Variants in SLTM observed in about 807,000 individuals in gnomAD.
SLTM encodes SAFB-like transcription modulator.
SLTM carries 43 observed loss-of-function variants against 134.6 expected under a neutral mutation model. That is an observed-to-expected ratio of 0.32 (90% confidence interval 0.25 to 0.41). The LOEUF is 0.41. SLTM is among the 10% of genes least tolerant of loss of function. The probability of loss-of-function intolerance (pLI) is 1.00; values close to 1 mark genes in which losing one functional copy is unlikely to be tolerated. For synonymous variants in SLTM, 424 were observed against 432.3 expected, an observed-to-expected ratio of 0.98 and a Z score of 0.24; for missense variants, 1,055 against 1,288.8, an observed-to-expected ratio of 0.82 and a Z score of 2.78.
At chr15:58,932,327 T>A (rs1318442141) in intron 2 of SLTM, 29 bp downstream of exon 2, 1 of 1,557,690 alleles carries the variant, frequency 6.4e-7, no homozygotes, top group African/African-American at 1.4e-5. Context: ...CAAAATATAT[T>A]TTAAAACATG....
chr15:58,897,290 A>G, intron 8 of SLTM, 57 bp from the exon 9 acceptor site: 3 of 963,414 alleles, frequency 3.1e-6, no homozygotes, highest in Non-Finnish European at 4.9e-6. Flanking sequence ...TTTATACAAA[A>G]CTATAAGGGC....
chr15:58,885,909 A>T (rs1567102485), intron 19 of SLTM, among the ~76,000 whole-genome samples: 1 of 152,194 alleles, frequency 6.6e-6, no homozygotes, highest in Admixed American at 6.5e-5. Context: ...TTTGGTATAT[A>T]ATTTATGAAA....
chr15:58,915,214 A>G (rs1270558714), intron 3 of SLTM, among the ~76,000 whole-genome samples: 2 of 151,650 alleles, frequency 1.3e-5, no homozygotes, highest in African/African-American at 4.8e-5. Flanking sequence ...AAAAACAAAA[A>G]CAAAAACAAA....
At chr15:58,916,207 G>C (rs1037827871) in intron 3 of SLTM, among the ~76,000 whole-genome samples, 69 of 129,540 alleles carry the variant, frequency 5.3e-4, no homozygotes, top group African/African-American at 1.9e-3. Flanking sequence ...ACGGAGTCTT[G>C]CTGTTACCCA....
intron 5 of SLTM, among the ~76,000 whole-genome samples, chr15:58,903,705 G>T (rs1595881478): frequency 2.1e-5 from 3 of 144,504 alleles, no homozygotes; most frequent in South Asian, 5.1e-4. Flanking sequence ...ATAATAAAAA[G>T]ATTAAAATGG....
At chr15:58,912,848 A>G in intron 4 of SLTM, 1 of 446,658 alleles carries the variant, frequency 2.2e-6, no homozygotes, top group Non-Finnish European at 4.1e-6. Context: ...GGGTAGGTAG[A>G]AGGGAAGTGT....
chr15:58,932,325 A>G (rs2037935707), intron 2 of SLTM, 31 bp downstream of exon 2: 1 of 1,546,036 alleles, frequency 6.5e-7, no homozygotes, highest in Non-Finnish European at 8.9e-7. Context: ...ACCAAAATAT[A>G]TTTTAAAACA....
intron 2 of SLTM, among the ~76,000 whole-genome samples, chr15:58,919,280 G>C (rs573096656): frequency 2.6e-5 from 4 of 152,168 alleles, no homozygotes; most frequent in African/African-American, 9.6e-5. Flanking sequence ...GCTACTTTTT[G>C]GGAGAAAAAT....
In SLTM at chr15:58,920,820, T is replaced by C. The variant is rs567994642; in HGVS notation, c.251-3821A>G. Among the ~76,000 whole-genome samples the C allele has an allele frequency of 2.0e-5, 3 of 151,512 alleles. No homozygotes were observed. The East Asian group carries it at 5.8e-4, about 29-fold the overall frequency. On this transcript the variant is annotated intron_variant, in intron 2 of 20. Transcript: ENST00000380516. ...AAACACAAAAATTAGCCGGGTGTGG[T>C]GATGGGCGCCTGTAATCCCAGCTAC...
At chr15:58,908,042 T>C (rs1469914686) in intron 5 of SLTM, among the ~76,000 whole-genome samples, 1 of 140,738 alleles carries the variant, frequency 7.1e-6, no homozygotes, top group Admixed American at 7.6e-5. Context: ...TGTGTACATA[T>C]ACATAATTTC....
intron 14 of SLTM, among the ~76,000 whole-genome samples, chr15:58,890,676 T>C (rs1272643938): frequency 2.6e-5 from 4 of 152,244 alleles, no homozygotes; most frequent in Non-Finnish European, 5.9e-5. Flanking sequence ...ACTGAGCAGC[T>C]AAATTTTATA....
chr15:58,885,298 C>CA (rs375948069), intron 19 of SLTM, among the ~76,000 whole-genome samples: 417 of 152,144 alleles, frequency 2.7e-3, no homozygotes, highest in African/African-American at 9.8e-3. Flanking sequence ...AGAAGGTACC[C>CA]ACAGAGAGGC....
intron 3 of SLTM, among the ~76,000 whole-genome samples, chr15:58,915,968 TAAAA>T (rs138468086): frequency 6.7e-6 from 1 of 149,504 alleles, no homozygotes; most frequent in African/African-American, 2.5e-5. Flanking sequence ...TTCATTAAAA[TAAAA>T]AAAAAATTAA....
chr15:58,894,838 G>A (rs1306605727), intron 9 of SLTM, among the ~76,000 whole-genome samples: 1 of 151,658 alleles, frequency 6.6e-6, no homozygotes, highest in Non-Finnish European at 1.5e-5. Context: ...TCAAGTAGCT[G>A]GGATTACAGG....
chr15:58,923,088 A>G (rs1029383745), intron 2 of SLTM, among the ~76,000 whole-genome samples: 12 of 152,132 alleles, frequency 7.9e-5, no homozygotes, highest in Non-Finnish European at 1.8e-4. Flanking sequence ...CGGGCATGGT[A>G]GCTTGAACCT....
chr15:58,887,806 G>T (rs1251619061), intron 17 of SLTM, among the ~76,000 whole-genome samples: 1 of 152,112 alleles, frequency 6.6e-6, no homozygotes, highest in Non-Finnish European at 1.5e-5. Context: ...ATGTTTTACT[G>T]TTCTTAACAG....
At position 58,887,324 on chromosome 15, in the gene SLTM, G is replaced by C. The variant is rs768084057; in HGVS notation, c.2592C>G (p.Ile864Met). ...CCTCTCGAGGATGTCTAGGATGAGT[G>C]ATATCAGGCCTGTCATGAATAATCA... The part of the protein sequence containing the change: ...RTVIIHDRPD[I>M]THPRHPREAG... Residue 864 changes from isoleucine (I) to methionine (M), a missense_variant, in exon 18 of 21, where the codon ATC becomes ATG. Transcript: ENST00000380516. The C allele has an allele frequency of 6.2e-7, 1 of 1,613,938 alleles. No individual in the cohort carries two copies.
intron 1 of SLTM, 119 bp downstream of exon 1, chr15:58,933,285 C>A: frequency 8.6e-7 from 1 of 1,169,114 alleles, no homozygotes; most frequent in Non-Finnish European, 1.1e-6. Context: ...GGCCTCCCTA[C>A]CATGCCGTTC....
intron 12 of SLTM, 80 bp from the exon 13 acceptor site, chr15:58,893,444 C>T: frequency 2.1e-6 from 2 of 941,774 alleles, no homozygotes; most frequent in Non-Finnish European, 3.2e-6. Flanking sequence ...ATGCTAAATT[C>T]TGATAGTCAC....
Sources: allele counts gnomAD v4.1 joint callset (sites outside exome capture counted in the v4.1 genomes callset), GRCh38; gene constraint gnomAD v4.1.1; transcripts MANE v1.5; gene names NCBI Gene and HGNC (gene_info 2026-07-23, HGNC 2026-07-21).